Variants in VTI1B observed in about 807,000 individuals in gnomAD.
VTI1B encodes the protein vesicle transport through interaction with t-SNAREs homolog 1B.
In VTI1B, 18 loss-of-function variants were observed where a neutral mutation model predicts 28.6. The observed-to-expected ratio is 0.63, with a 90% CI of 0.43 to 0.93. The LOEUF (loss-of-function observed/expected upper bound fraction) is 0.93, where lower values mean the gene tolerates loss of function less well. Ranked by LOEUF, VTI1B falls within the 40% of genes least tolerant of loss-of-function variation. The pLI, the probability that VTI1B is intolerant of heterozygous loss-of-function variation, is 0.00. For synonymous variants in VTI1B, 100 were observed against 107.9 expected, an observed-to-expected ratio of 0.93 and a Z score of 0.46; for missense variants, 283 against 297.0, an observed-to-expected ratio of 0.95 and a Z score of 0.35.
At chr14:67,672,982 T>C (rs2037487552) in intron 1 of VTI1B, among the ~76,000 whole-genome samples, 1 of 152,342 alleles carries the variant, frequency 6.6e-6, no homozygotes. Flanking sequence ...TGCAGTGCTA[T>C]TCCCTCCTTC....
intron 4 of VTI1B, among the ~76,000 whole-genome samples, chr14:67,655,028 CAAAA>C (rs34482334): frequency 2.3e-5 from 1 of 43,478 alleles, no homozygotes; most frequent in African/African-American, 1.1e-4. Flanking sequence ...GACTCCATCT[CAAAA>C]AAAAAAAAAA....
chr14:67,655,904 G>A (rs1025882720), intron 4 of VTI1B, among the ~76,000 whole-genome samples: 1 of 152,028 alleles, frequency 6.6e-6, no homozygotes, highest in Non-Finnish European at 1.5e-5. Flanking sequence ...CTAAATCTTA[G>A]GGGTAAAATT....
intron 1 of VTI1B, among the ~76,000 whole-genome samples, chr14:67,670,264 A>G (rs557336171): frequency 3.3e-5 from 5 of 152,224 alleles, no homozygotes; most frequent in African/African-American, 1.2e-4. Flanking sequence ...CTGACTTTCC[A>G]TATCAAGTCC....
chr14:67,659,303 C>G (rs185038112), intron 3 of VTI1B, among the ~76,000 whole-genome samples: 2 of 152,078 alleles, frequency 1.3e-5, no homozygotes, highest in Admixed American at 1.3e-4. Flanking sequence ...TAACAATATT[C>G]TGATAAATTA....
intron 3 of VTI1B, among the ~76,000 whole-genome samples, chr14:67,658,120 T>C (rs1444437495): frequency 6.6e-6 from 1 of 152,068 alleles, no homozygotes; most frequent in Non-Finnish European, 1.5e-5. Flanking sequence ...GAGGTTCAAA[T>C]AAAACCAGTT....
In VTI1B at chr14:67,651,486, A is replaced by G; in HGVS notation, c.603-5T>C. 6.2e-7 allele frequency: 1 copy of G among 1,613,364 alleles called. No homozygotes were observed. The highest frequency in any genetic ancestry group is 1.1e-5 in the South Asian group (1 of 91,030). On this transcript the variant is annotated splice_polypyrimidine_tract_variant and splice_region_variant and intron_variant, in intron 5 of 5. Coordinates refer to ENST00000554659, the MANE Select transcript of VTI1B (RefSeq NM_006370.3). ...AGCAGCTTGTTGGTTGTCACTCTAC[A>G]AAGAGAAGCAAAGTGGGGAGTAGTC...
At position 67,659,854 on chromosome 14, in the gene VTI1B, A is replaced by C; in HGVS notation, c.243T>G (p.Leu81=). ...TAGCAAGGTCCTTCCGGTAGTTTCG[A>C]AGCTTAGACATCATGGGGTTTCGGA... ...LSFRNPMMSK[L]RNYRKDLAKL... is the part of the protein sequence containing the mutation. Residue 81 remains leucine (L), a synonymous_variant, in exon 3 of 6, where the codon CTT becomes CTG. Coordinates refer to ENST00000554659, the MANE Select transcript of VTI1B (RefSeq NM_006370.3). The C allele has an allele frequency of 6.2e-7, 1 of 1,614,186 alleles. No homozygotes were observed. The highest frequency in any genetic ancestry group is 1.1e-5 in the South Asian group (1 of 91,076).
chr14:67,674,468 A>C lies in VTI1B; in HGVS notation c.22T>G (p.Ser8Ala). The C allele has an allele frequency of 6.2e-7, 1 of 1,607,580 alleles. No homozygotes were observed. The highest frequency in any genetic ancestry group is 8.5e-7 in the Non-Finnish European group (1 of 1,178,148). Residue 8 changes from serine to alanine, a missense_variant, in exon 1 of 6, where the codon TCG (serine) becomes GCG (alanine). Coordinates refer to ENST00000554659, the MANE Select transcript of VTI1B (RefSeq NM_006370.3). MASSAASSEHFEKLHEIF... is the reference protein window; with the variant it reads MASSAASAEHFEKLHEIF... ...TCGTGCAGCTTCTCGAAATGCTCCG[A>C]GGAGGCGGCGGAGGAGGCCATGGCG...
At position 67,651,413 on chromosome 14, in the gene VTI1B, A is replaced by T; in HGVS notation, c.671T>A (p.Val224Asp). 1 of 1,613,990 alleles carries T rather than the reference A, an allele frequency of 6.2e-7. No homozygotes were observed. Among genetic ancestry groups the T allele is most frequent in the Non-Finnish European group, 8.5e-7 (1 of 1,179,872 alleles). The stretch of plus-strand genomic sequence containing the variant: ...ATGGCTGCGAAAGAATTTGTAGTAA[A>T]CCAGGCCTCCCAGGATGGCGAGCTC... Reference protein sequence around the residue: ...LLELAILGGLVYYKFFRSH With the variant: ...LLELAILGGLDYYKFFRSH The change falls in exon 6 of 6, where the codon GTT (valine) becomes GAT (aspartate). Residue 224 changes from valine to aspartate, a missense_variant. Coordinates refer to ENST00000554659, the MANE Select transcript of VTI1B (RefSeq NM_006370.3).
In VTI1B at chr14:67,674,616, G is replaced by A. The variant is rs1015159706; in HGVS notation, c.-127C>T. The stretch of plus-strand genomic sequence containing the variant: ...GCCGCACCACCGCCGCCCAGGACGA[G>A]GCTCTTCCGGAGCCGCGGCAGGGTC... On this transcript the variant is annotated 5_prime_UTR_variant, in exon 1 of 6. Transcript: ENST00000554659. The A allele has an allele frequency of 2.5e-5, 17 of 682,452 alleles. No homozygotes were observed. The Admixed American group carries it at 6.2e-4, about 25-fold the overall frequency. The allele number at this position is 682,452 out of a possible 1,614,324, so 42.3% of individuals were successfully genotyped here. A position where few individuals can be genotyped will look rare whatever the true frequency, so the allele number is the denominator to read the frequency against.
At position 67,648,101 on chromosome 14, in the gene VTI1B, G is replaced by A. The variant is rs1336372870; in HGVS notation, c.*3284C>T. 2 of 1,613,792 alleles carry A rather than the reference G, an allele frequency of 1.2e-6. 1 individual carries two copies. Among genetic ancestry groups the A allele is most frequent in the Admixed American group, 3.3e-5 (2 of 59,968 alleles). ...ATATTGATGCATTTGACCCTACACT[G>A]GCTCCAGCCACAGGAACTCCTGTTG... On this transcript the variant is annotated 3_prime_UTR_variant, in exon 6 of 6. Coordinates refer to ENST00000554659, the MANE Select transcript of VTI1B (RefSeq NM_006370.3).
intron 2 of VTI1B, chr14:67,660,186 A>G (rs1379830348): frequency 3.1e-6 from 1 of 324,346 alleles, no homozygotes; most frequent in Non-Finnish European, 5.7e-6. Flanking sequence ...TAGCTTACTA[A>G]ACACTTTTAT....
Position 67,650,951 on chromosome 14 carries a change from A to G in VTI1B, c.*434T>C, listed in dbSNP as rs936558225. On this transcript the variant is annotated 3_prime_UTR_variant, in exon 6 of 6. Transcript: ENST00000554659. Reference sequence around the variant, plus strand: ...ACTGTGCACTGACATGTTTCACAACAGGCATTCCAGAATTATGAGGCATTG... The same window carrying G: ...ACTGTGCACTGACATGTTTCACAACGGGCATTCCAGAATTATGAGGCATTG... 1 of 1,599,246 alleles carries G rather than the reference A, an allele frequency of 6.3e-7. No homozygotes were observed.
chr14:67,650,422 C>T lies in VTI1B; in HGVS notation c.*963G>A. ...AAAACCTCCCCCACCCAACACCAAG[C>T]CTTTTCCTTTTCCAGAACGCCTGAC... On this transcript the variant is annotated 3_prime_UTR_variant, in exon 6 of 6. Transcript: ENST00000554659. 1 of 387,674 alleles carries T rather than the reference C, an allele frequency of 2.6e-6. No homozygotes were observed. The highest frequency in any genetic ancestry group is 4.7e-6 in the Non-Finnish European group (1 of 211,498). 24.0% of individuals were successfully genotyped at this position (387,674 alleles called of 1,614,324 possible).
intron 3 of VTI1B, among the ~76,000 whole-genome samples, chr14:67,658,496 C>T (rs914941895): frequency 1.3e-5 from 2 of 152,142 alleles, no homozygotes; most frequent in Admixed American, 6.5e-5. Context: ...ACTTGGGAGG[C>T]TGAGGCAGGA....
At position 67,660,019 on chromosome 14, in the gene VTI1B, G is replaced by C. The variant is rs1594837318; in HGVS notation, c.175-97C>G. 3.4e-5 allele frequency: 42 copies of C among 1,224,088 alleles called. No homozygotes were observed. In the East Asian group the frequency reaches 1.1e-3, roughly 31 times the overall value. 75.8% of individuals were successfully genotyped at this position (1,224,088 alleles called of 1,614,324 possible). ...GACTAATCAAACTACTTATTTATTT[G>C]GACTACACCAAGTAAATAACCATAT... On this transcript the variant is annotated intron_variant, in intron 2 of 5. Transcript: ENST00000554659.
chr14:67,654,727 T>C (rs1417570124), intron 4 of VTI1B, among the ~76,000 whole-genome samples: 7 of 152,110 alleles, frequency 4.6e-5, no homozygotes, highest in Non-Finnish European at 1.0e-4. Context: ...CATTGGTAAA[T>C]TGTACCAATT....
rs763931859 is a variant in VTI1B at position 67,662,469 on chromosome 14, G to A, written c.174+8C>T. The A allele has an allele frequency of 6.8e-6, 11 of 1,612,270 alleles. No individual in the cohort carries two copies. The highest frequency in any genetic ancestry group is 5.1e-6 in the Non-Finnish European group (6 of 1,179,266). ...GTAGAAGAAACAAAATTTGTTCCTT[G>A]TTCTCACCGTTTCATTTGCTTCCTG... On this transcript the variant is annotated splice_region_variant and intron_variant, in intron 2 of 5. Transcript: ENST00000554659.
rs1190718122 is a variant in VTI1B at position 67,651,066 on chromosome 14, CTA to C, written c.*317_*318del. On this transcript the variant is annotated 3_prime_UTR_variant, in exon 6 of 6. Transcript: ENST00000554659. ...TTCTCACAATTGTAAAGTTTCCCCTCTATTTTGGTGACCAATACTACTGTAAA... is the reference window on the plus strand; with the variant it reads ...TTCTCACAATTGTAAAGTTTCCCCTCTTTTGGTGACCAATACTACTGTAAA... The C allele has an allele frequency of 2.8e-6, 3 of 1,060,774 alleles. No homozygotes were observed. The highest frequency in any genetic ancestry group is 4.1e-6 in the Non-Finnish European group (3 of 736,286). 65.7% of individuals were successfully genotyped at this position (1,060,774 alleles called of 1,614,324 possible).
Sources: gnomAD v4.1 joint callset for allele counts (sites outside exome capture counted in the v4.1 genomes callset) on GRCh38, gnomAD v4.1.1 for gene constraint, MANE v1.5 for transcripts, NCBI Gene and HGNC (gene_info 2026-07-23, HGNC 2026-07-21) for gene names.